The following ERC1 variants were observed in gnomAD, a reference collection of about 807,000 sequenced individuals.
ERC1 encodes ELKS/RAB6-interacting/CAST family member 1.
A neutral mutation model predicts 132.0 loss-of-function variants in ERC1; 56 were observed. The ratio of observed to expected loss-of-function variants is 0.42; its 90% confidence interval spans 0.34 to 0.53. The LOEUF (loss-of-function observed/expected upper bound fraction) is 0.53, where lower values mean the gene tolerates loss of function less well. Ranked by LOEUF, ERC1 falls within the 20% of genes least tolerant of loss-of-function variation. The pLI, the probability that ERC1 is intolerant of heterozygous loss-of-function variation, is 0.03. For synonymous variants in ERC1, 478 were observed against 476.1 expected (o/e 1.00, Z -0.05); for missense variants, 1,202 against 1,349.9 (o/e 0.89, Z 1.72).
intron 7 of ERC1, among the ~76,000 whole-genome samples, chr12:1,137,247 C>T (rs1214078556): frequency 2.6e-5 from 4 of 151,184 alleles, no homozygotes; most frequent in African/African-American, 4.9e-5. Context: ...TATAGGCAAG[C>T]GCCACCACGC....
chr12:1,258,923 C>G lies in ERC1; in HGVS notation c.2488-4111C>G, dbSNP rs142414274. Among the ~76,000 whole-genome samples the G allele has an allele frequency of 8.0e-4, 122 of 152,192 alleles. 2 individuals carry two copies. The East Asian group carries it at 0.022, about 27-fold the overall frequency. On this transcript the variant is annotated intron_variant, in intron 13 of 18. Coordinates refer to ENST00000360905, the MANE Select transcript of ERC1 (RefSeq NM_178040.4). ...GAGCACTGCCTGAAGATGTGTTTGC[C>G]TGGTCTGCTTTTCTCTTTTCACAGT...
chr12:1,243,103 C>T (rs1031555698), intron 13 of ERC1, among the ~76,000 whole-genome samples: 1 of 149,352 alleles, frequency 6.7e-6, no homozygotes, highest in African/African-American at 2.5e-5. Context: ...AGGAGAATGG[C>T]GTGAACCCGG....
chr12:1,171,044 A>G (rs1000967514), intron 8 of ERC1, among the ~76,000 whole-genome samples: 7 of 152,166 alleles, frequency 4.6e-5, no homozygotes, highest in African/African-American at 9.7e-5. Flanking sequence ...AGATTAAGCA[A>G]TTTGCTCAAT....
intron 2 of ERC1, among the ~76,000 whole-genome samples, chr12:1,058,422 T>G (rs1973403409): frequency 1.3e-5 from 2 of 152,226 alleles, no homozygotes; most frequent in South Asian, 4.1e-4. Context: ...GGATATCCAG[T>G]TTTCCCAGTA....
intron 14 of ERC1, among the ~76,000 whole-genome samples, chr12:1,274,485 T>C (rs1458000874): frequency 1.6e-5 from 2 of 124,442 alleles, no homozygotes; most frequent in African/African-American, 7.1e-5. Flanking sequence ...TTTTATTTTA[T>C]TTATTTATTT....
At chr12:1,274,480 T>TTTATTTTA (rs1555340355) in intron 14 of ERC1, among the ~76,000 whole-genome samples, 29 of 150,224 alleles carry the variant, frequency 1.9e-4, no homozygotes, top group Middle Eastern at 3.4e-3. Context: ...TTTTATTTTA[T>TTTATTTTA]TTTATTTATT....
intron 14 of ERC1, among the ~76,000 whole-genome samples, chr12:1,284,226 A>G (rs561916691): frequency 3.2e-4 from 49 of 150,842 alleles, no homozygotes; most frequent in Admixed American, 5.3e-4. Context: ...TGTTGCTGCA[A>G]ATGACAGGAT....
At chr12:1,295,106 T>C (rs151023385) in intron 15 of ERC1, among the ~76,000 whole-genome samples, 41 of 152,264 alleles carry the variant, frequency 2.7e-4, no homozygotes, top group African/African-American at 9.9e-4. Flanking sequence ...ACGGATCAAA[T>C]GAGATTTTAA....
At chr12:1,029,744 C>CTTTTTTT (rs747890124) in intron 2 of ERC1, among the ~76,000 whole-genome samples, 2 of 114,232 alleles carry the variant, frequency 1.8e-5, no homozygotes, top group Non-Finnish European at 3.4e-5. Context: ...GTTAAACATA[C>CTTTTTTT]TTTTTTTTTT....
intron 13 of ERC1, chr12:1,244,680 C>A: frequency 2.6e-6 from 1 of 388,598 alleles, no homozygotes; most frequent in Non-Finnish European, 5.2e-6. Flanking sequence ...TGCCACCATG[C>A]CTGGCTAATT....
intron 16 of ERC1, among the ~76,000 whole-genome samples, chr12:1,388,154 G>A (rs531115817): frequency 1.5e-3 from 230 of 152,140 alleles, no homozygotes; most frequent in African/African-American, 5.4e-3. Context: ...GAGGTCAGAA[G>A]ATCGAGACCA....
chr12:1,317,390 A>C (rs1283525901), intron 15 of ERC1, among the ~76,000 whole-genome samples: 2 of 151,530 alleles, frequency 1.3e-5, no homozygotes, highest in Admixed American at 6.6e-5. Context: ...AACATCACAC[A>C]CGGCCTGTCG....
At chr12:1,404,333 C>A (rs1156766143) in intron 16 of ERC1, among the ~76,000 whole-genome samples, 3 of 151,374 alleles carry the variant, frequency 2.0e-5, no homozygotes, top group South Asian at 4.2e-4. Context: ...ATTTACTCAT[C>A]CATTTACTTA....
rs184466256 is a variant in ERC1, at chr12:1,379,333, A to T, written c.2925+7356A>T. On this transcript the variant is annotated intron_variant, in intron 16 of 18. Coordinates refer to ENST00000360905, the MANE Select transcript of ERC1 (RefSeq NM_178040.4). ...TGTTGCTAAAGTTCTGGTACTGCAT[A>T]TCAAGGATCCCAGTAACAAGTTCCT... Among the ~76,000 whole-genome samples, 121 of 152,324 alleles carry T rather than the reference A, an allele frequency of 7.9e-4. No individual in the cohort carries two copies. In the South Asian group the frequency reaches 0.012, roughly 15 times the overall value.
At chr12:1,174,711 C>T (rs1953497771) in intron 8 of ERC1, among the ~76,000 whole-genome samples, 1 of 152,162 alleles carries the variant, frequency 6.6e-6, no homozygotes, top group African/African-American at 2.4e-5. Context: ...AATCTGTCTT[C>T]TTGTATGTAA....
intron 10 of ERC1, 90 bp downstream of exon 10, chr12:1,182,155 T>C (rs1954550658): frequency 7.9e-7 from 1 of 1,260,484 alleles, no homozygotes; most frequent in Admixed American, 2.4e-5. Context: ...TAAAAAAGTA[T>C]TCGATGGAAA....
chr12:1,397,270 G>C (rs2090621915), intron 16 of ERC1, among the ~76,000 whole-genome samples: 1 of 152,194 alleles, frequency 6.6e-6, no homozygotes, highest in South Asian at 2.1e-4. Context: ...TTGCTTATCT[G>C]TGCGTTGACT....
chr12:1,209,672 G>A (rs1485350574), intron 12 of ERC1, among the ~76,000 whole-genome samples: 2 of 152,186 alleles, frequency 1.3e-5, no homozygotes, highest in Admixed American at 1.3e-4. Flanking sequence ...TGTTAAAATA[G>A]AGTTCTTATT....
chr12:1,255,719 G>A (rs1285164992), intron 13 of ERC1, among the ~76,000 whole-genome samples: 2 of 134,166 alleles, frequency 1.5e-5, no homozygotes, highest in African/African-American at 5.7e-5. Context: ...TGCAAGTTCT[G>A]CCTCCCGGGT....
Sources: gnomAD v4.1 joint callset for allele counts (sites outside exome capture counted in the v4.1 genomes callset) on GRCh38, gnomAD v4.1.1 for gene constraint, MANE v1.5 for transcripts, NCBI Gene and HGNC (gene_info 2026-07-23, HGNC 2026-07-21) for gene names.